TIGD1: variants seen among roughly 807,000 people sequenced by gnomAD.
TIGD1 encodes tigger transposable element-derived protein 1.
Under a neutral mutation model 21.3 loss-of-function variants are expected in TIGD1, and 20 were observed. That is an observed-to-expected ratio of 0.94 (90% CI 0.66 to 1.36). The LOEUF is 1.36. Ranked by LOEUF, TIGD1 falls within the 40% of genes most tolerant of loss-of-function variation. TIGD1 has a pLI of 0.00. For synonymous variants in TIGD1, 177 were observed against 123.2 expected, an observed-to-expected ratio of 1.44 and a Z score of -2.89; for missense variants, 556 against 350.5, an observed-to-expected ratio of 1.59 and a Z score of -4.68.
chr2:232,548,336 C>T lies in TIGD1; in HGVS notation c.1547G>A (p.Ser516Asn), dbSNP rs1204682877. Reference sequence around the variant, plus strand: ...TGATAGCATTTTGCCCACAGTAGAGCTTCTTTCAAAATTGGAGTCAATCCT... The same window carrying T: ...TGATAGCATTTTGCCCACAGTAGAGTTTCTTTCAAAATTGGAGTCAATCCT... ...FERIDSNFERSSTVGKMLSNS... is the reference protein window; with the variant it reads ...FERIDSNFERNSTVGKMLSNS... The change falls in exon 1 of 1, where the codon AGC becomes AAC. Residue 516 changes from serine (S) to asparagine (N), a missense_variant. Coordinates refer to ENST00000408957, the MANE Select transcript of TIGD1 (RefSeq NM_145702.4). The T allele has an allele frequency of 2.1e-6, 3 of 1,397,022 alleles. No homozygotes were observed. The highest frequency in any genetic ancestry group is 1.9e-6 in the Non-Finnish European group (2 of 1,033,744). 86.5% of individuals were successfully genotyped at this position (1,397,022 alleles called of 1,614,324 possible).
rs1008025512 is a variant in TIGD1, at chr2:232,546,453, T to C, written c.*1654A>G. 2 of 152,806 alleles carry C rather than the reference T, an allele frequency of 1.3e-5. No homozygotes were observed. The highest frequency in any genetic ancestry group is 2.4e-5 in the African/African-American group (1 of 41,296). 9.5% of individuals were successfully genotyped at this position (152,806 alleles called of 1,614,324 possible). Reference sequence around the variant, plus strand: ...GCCTCAACCTCCAGGGCTCAAGCAATGCTCCTGCCTCAGCCTCCCAAGTAG... The same window carrying C: ...GCCTCAACCTCCAGGGCTCAAGCAACGCTCCTGCCTCAGCCTCCCAAGTAG... On this transcript the variant is annotated 3_prime_UTR_variant, in exon 1 of 1. Coordinates refer to ENST00000408957, the MANE Select transcript of TIGD1 (RefSeq NM_145702.4).
rs74691009 is a variant in TIGD1 at position 232,544,431 on chromosome 2, T to C, written c.*3676A>G. On this transcript the variant is annotated 3_prime_UTR_variant, in exon 1 of 1. Coordinates refer to ENST00000408957, the MANE Select transcript of TIGD1 (RefSeq NM_145702.4). ...GTTCGCCCGCTGGCCCCGGCAGCTG[T>C]GCAGGACACCCAGTCCCGGCTACAG... 1.4e-4 allele frequency: 219 copies of C among 1,613,610 alleles called. No homozygotes were observed. In the African/African-American group the frequency reaches 2.6e-3, roughly 19 times the overall value.
Position 232,548,182 on chromosome 2 carries a change from G to C in TIGD1, c.1701C>G (p.Thr567=). Residue 567 remains threonine, a synonymous_variant, in exon 1 of 1, where the codon ACC becomes ACG. Coordinates refer to ENST00000408957, the MANE Select transcript of TIGD1 (RefSeq NM_145702.4). Reference sequence around the variant, plus strand: ...GCCTCGAGGTTGATGGTTGCTGACTGGTCAGGGTGGTGGCTGCTGAAGGTT... The same window carrying C: ...GCCTCGAGGTTGATGGTTGCTGACTCGTCAGGGTGGTGGCTGCTGAAGGTT... ...PPQPSAATTL[T]SQQPSTSRQD... is the part of the protein sequence containing the mutation. The C allele has an allele frequency of 6.6e-7, 1 of 1,517,272 alleles. No homozygotes were observed. Among genetic ancestry groups the C allele is most frequent in the Non-Finnish European group, 8.8e-7 (1 of 1,131,522 alleles). The allele number at this position is 1,517,272 out of a possible 1,614,324, so 94.0% of individuals were successfully genotyped here. A position where few individuals can be genotyped will look rare whatever the true frequency, so the allele number is the denominator to read the frequency against.
rs1174184436 is a variant in TIGD1 at position 232,544,105 on chromosome 2, C to T, written c.*4002G>A. On this transcript the variant is annotated 3_prime_UTR_variant, in exon 1 of 1. Coordinates refer to ENST00000408957, the MANE Select transcript of TIGD1 (RefSeq NM_145702.4). ...CTTGTTGCACATGCAGATTCCCAGG[C>T]CTGTCCCAGGCATTCTAGGCCAGAA... Among the ~76,000 whole-genome samples, 1 of 152,186 alleles carries T rather than the reference C, an allele frequency of 6.6e-6. No homozygotes were observed. Among genetic ancestry groups the T allele is most frequent in the Non-Finnish European group, 1.5e-5 (1 of 68,028 alleles).
Position 232,545,350 on chromosome 2 carries a change from A to G in TIGD1, c.*2757T>C, listed in dbSNP as rs1298096489. ...AAAAAAAAGGAAAGAAAGAAAGAAAAAGGAACAGGGGCAGGGGGGGCACCT... is the reference window on the plus strand; with the variant it reads ...AAAAAAAAGGAAAGAAAGAAAGAAAGAGGAACAGGGGCAGGGGGGGCACCT... On this transcript the variant is annotated 3_prime_UTR_variant, in exon 1 of 1. Transcript: ENST00000408957. 7.0e-6 allele frequency among the ~76,000 whole-genome samples: 1 copy of G among 142,728 alleles called. No homozygotes were observed. Among genetic ancestry groups the G allele is most frequent in the Non-Finnish European group, 1.6e-5 (1 of 63,826 alleles). 93.6% of individuals were successfully genotyped at this position (142,728 alleles called of 152,430 possible). A position where few individuals can be genotyped will look rare whatever the true frequency, so the allele number is the denominator to read the frequency against.
At position 232,550,078 on chromosome 2, in the gene TIGD1, G is replaced by T; in HGVS notation, c.-196C>A. On this transcript the variant is annotated 5_prime_UTR_variant, in exon 1 of 1. Transcript: ENST00000408957. ...GACAATAGCAACATCAAAGATCACTGATCATAGATCACCATAACAGACACA... is the reference window on the plus strand; with the variant it reads ...GACAATAGCAACATCAAAGATCACTTATCATAGATCACCATAACAGACACA... The T allele has an allele frequency of 2.2e-6, 1 of 461,156 alleles. No homozygotes were observed. Among genetic ancestry groups the T allele is most frequent in the Non-Finnish European group, 3.9e-6 (1 of 254,830 alleles). 28.6% of individuals were successfully genotyped at this position (461,156 alleles called of 1,614,324 possible).
rs1374619714 is a variant in TIGD1 at position 232,545,429 on chromosome 2, G to A, written c.*2678C>T. 4.0e-6 allele frequency: 4 copies of A among 991,774 alleles called. No homozygotes were observed. The African/African-American group carries it at 6.4e-5, about 16-fold the overall frequency. 61.4% of individuals were successfully genotyped at this position (991,774 alleles called of 1,614,324 possible). On this transcript the variant is annotated 3_prime_UTR_variant, in exon 1 of 1. Coordinates refer to ENST00000408957, the MANE Select transcript of TIGD1 (RefSeq NM_145702.4). The stretch of plus-strand genomic sequence containing the variant: ...CCAGTTGGGACCCGGACATAGGTAA[G>A]AAGGGCCCCAGGAAATGGAGACATG...
Position 232,544,740 on chromosome 2 carries a change from T to G in TIGD1, c.*3367A>C, listed in dbSNP as rs751397115. 1 of 1,613,542 alleles carries G rather than the reference T, an allele frequency of 6.2e-7. No homozygotes were observed. Among genetic ancestry groups the G allele is most frequent in the Non-Finnish European group, 8.5e-7 (1 of 1,179,818 alleles). On this transcript the variant is annotated 3_prime_UTR_variant, in exon 1 of 1. Coordinates refer to ENST00000408957, the MANE Select transcript of TIGD1 (RefSeq NM_145702.4). Reference sequence around the variant, plus strand: ...TTCTCTGCCTGTTTCTCCTCCATTCTACTCCCAAACCTTACCCTTTCTCTT... The same window carrying G: ...TTCTCTGCCTGTTTCTCCTCCATTCGACTCCCAAACCTTACCCTTTCTCTT...
At position 232,550,392 on chromosome 2, in the gene TIGD1, G is replaced by A. The variant is rs1692257114; in HGVS notation, c.-510C>T. On this transcript the variant is annotated 5_prime_UTR_variant, in exon 1 of 1. Transcript: ENST00000408957. ...AAGAGGAAGGTTTTTACCAAGCAGC[G>A]AGTCCAGAGCCCGCGCCGTCAACGA... 1 of 472,358 alleles carries A rather than the reference G, an allele frequency of 2.1e-6. No homozygotes were observed. Among genetic ancestry groups the A allele is most frequent in the African/African-American group, 2.1e-5 (1 of 48,342 alleles). The allele number at this position is 472,358 out of a possible 1,614,324, so 29.3% of individuals were successfully genotyped here.
Position 232,545,941 on chromosome 2 carries a change from C to T in TIGD1, c.*2166G>A, listed in dbSNP as rs924796790. The stretch of plus-strand genomic sequence containing the variant: ...AGTGTCCTGCTGCAGTCAGCACACA[C>T]GTGGGATTGGCTAGCTCATCCTGGC... On this transcript the variant is annotated 3_prime_UTR_variant, in exon 1 of 1. Transcript: ENST00000408957. The T allele has an allele frequency of 2.8e-5, 18 of 635,066 alleles. 1 individual carries two copies. The highest frequency in any genetic ancestry group is 3.6e-5 in the African/African-American group (2 of 56,044). 39.3% of individuals were successfully genotyped at this position (635,066 alleles called of 1,614,324 possible).
Position 232,549,962 on chromosome 2 carries a change from G to A in TIGD1, c.-80C>T. ...AGGCCCAAGAAGAGGGAGAGAGATG[G>A]GGAACGGTCTGTGGGTGGAGCGGTC... On this transcript the variant is annotated 5_prime_UTR_variant, in exon 1 of 1. Coordinates refer to ENST00000408957, the MANE Select transcript of TIGD1 (RefSeq NM_145702.4). 1.3e-6 allele frequency: 1 copy of A among 784,408 alleles called. No homozygotes were observed. The highest frequency in any genetic ancestry group is 2.0e-6 in the Non-Finnish European group (1 of 494,804). 48.6% of individuals were successfully genotyped at this position (784,408 alleles called of 1,614,324 possible).
At position 232,544,454 on chromosome 2, in the gene TIGD1, C is replaced by T. The variant is rs771796518; in HGVS notation, c.*3653G>A. ...TGTGCAGGACACCCAGTCCCGGCTA[C>T]AGAATGGCTCCTCGGGATGGTCGAT... On this transcript the variant is annotated 3_prime_UTR_variant, in exon 1 of 1. Transcript: ENST00000408957. 2 of 1,613,608 alleles carry T rather than the reference C, an allele frequency of 1.2e-6. No individual in the cohort carries two copies. The highest frequency in any genetic ancestry group is 1.3e-5 in the African/African-American group (1 of 74,934).
rs1559306806 is a variant in TIGD1, at chr2:232,547,505, A to G, written c.*602T>C. On this transcript the variant is annotated 3_prime_UTR_variant, in exon 1 of 1. Transcript: ENST00000408957. The stretch of plus-strand genomic sequence containing the variant: ...CGACAGGATATGCTGGCAGGAGGGG[A>G]CCTTGGAAATATGCCCTCCCTCCAA... Among the ~76,000 whole-genome samples the G allele has an allele frequency of 1.3e-5, 2 of 152,310 alleles. No homozygotes were observed. Among genetic ancestry groups the G allele is most frequent in the East Asian group, 3.9e-4 (2 of 5,180 alleles).
rs1300803658 is a variant in TIGD1 at position 232,544,710 on chromosome 2, C to T, written c.*3397G>A. The T allele has an allele frequency of 2.7e-5, 44 of 1,601,902 alleles. No homozygotes were observed. Among genetic ancestry groups the T allele is most frequent in the Admixed American group, 6.7e-5 (4 of 59,988 alleles). ...AGGAGCTGGGGTCCCTAAGGAGAGG[C>T]CATCTTCTCTGCCTGTTTCTCCTCC... On this transcript the variant is annotated 3_prime_UTR_variant, in exon 1 of 1. Coordinates refer to ENST00000408957, the MANE Select transcript of TIGD1 (RefSeq NM_145702.4).
In TIGD1 at chr2:232,548,334, A is replaced by C; in HGVS notation, c.1549T>G (p.Ser517Ala). 1 of 1,404,600 alleles carries C rather than the reference A, an allele frequency of 7.1e-7. No individual in the cohort carries two copies. The highest frequency in any genetic ancestry group is 9.6e-7 in the Non-Finnish European group (1 of 1,040,324). 87.0% of individuals were successfully genotyped at this position (1,404,600 alleles called of 1,614,324 possible). ...TTTGATAGCATTTTGCCCACAGTAG[A>C]GCTTCTTTCAAAATTGGAGTCAATC... ...ERIDSNFERS[S>A]TVGKMLSNSI... Residue 517 changes from serine to alanine, a missense_variant, in exon 1 of 1, where the codon TCT becomes GCT. Transcript: ENST00000408957.
Position 232,549,061 on chromosome 2 carries a change from C to T in TIGD1, c.822G>A (p.Ala274=), listed in dbSNP as rs6752614. ...KARMTAHLFT[A]WFTEYFKPTV... is the part of the protein sequence containing the mutation. ...TGGGTTTAAAATATTCAGTAAACCA[C>T]GCTGTAAACAGATGTGCTGTCATCC... The change falls in exon 1 of 1, where the codon GCG becomes GCA. Residue 274 remains alanine, a synonymous_variant. Coordinates refer to ENST00000408957, the MANE Select transcript of TIGD1 (RefSeq NM_145702.4). 348,685 of 712,134 alleles carry T rather than the reference C, an allele frequency of 0.49. 88,489 individuals are homozygous for T. The highest frequency in any genetic ancestry group is 0.63 in the Admixed American group (31,102 of 49,500). The allele number at this position is 712,134 out of a possible 1,614,324, so 44.1% of individuals were successfully genotyped here.
Position 232,545,013 on chromosome 2 carries a change from G to A in TIGD1, c.*3094C>T. ...ATAGGGCAGTGGGATGGAAAAACAT[G>A]AGGCCGGGTGCAGTGGGTCACACCT... On this transcript the variant is annotated 3_prime_UTR_variant, in exon 1 of 1. Coordinates refer to ENST00000408957, the MANE Select transcript of TIGD1 (RefSeq NM_145702.4). 1.4e-6 allele frequency: 2 copies of A among 1,394,786 alleles called. No individual in the cohort carries two copies. The highest frequency in any genetic ancestry group is 1.2e-5 in the South Asian group (1 of 82,434). The allele number at this position is 1,394,786 out of a possible 1,614,324, so 86.4% of individuals were successfully genotyped here.
At position 232,544,265 on chromosome 2, in the gene TIGD1, T is replaced by C. The variant is rs1692078337; in HGVS notation, c.*3842A>G. On this transcript the variant is annotated 3_prime_UTR_variant, in exon 1 of 1. Transcript: ENST00000408957. ...CCAAGGCCACGTCACTGCCCCGGTA[T>C]GCTGCCTCCATGGTCCCTAGCAGCA... is the stretch of plus-strand genomic sequence containing the variant. 1.0e-5 allele frequency: 9 copies of C among 901,606 alleles called. No individual in the cohort carries two copies. In the Admixed American group the frequency reaches 1.0e-4, roughly 10 times the overall value. The allele number at this position is 901,606 out of a possible 1,614,324, so 55.9% of individuals were successfully genotyped here.
chr2:232,549,615 T>A lies in TIGD1; in HGVS notation c.268A>T (p.Ile90Leu), dbSNP rs1692228729. 1.4e-6 allele frequency: 1 copy of A among 696,654 alleles called. No homozygotes were observed. The highest frequency in any genetic ancestry group is 1.6e-5 in the South Asian group (1 of 64,152). 43.2% of individuals were successfully genotyped at this position (696,654 alleles called of 1,614,324 possible). The change falls in exon 1 of 1, where the codon ATA (isoleucine) becomes TTA (leucine). Residue 90 changes from isoleucine (I) to leucine (L), a missense_variant. Ile to Leu is a conservative substitution (Grantham distance 5, BLOSUM62 2). Transcript: ENST00000408957. ...ADMEKVLVVW[I>L]EDQTSRNIPL... ...ATGTTGCGGCTGGTCTGATCTTCTATCCAGACCACTAAAACCTTCTCCATA... is the reference window on the plus strand; with the variant it reads ...ATGTTGCGGCTGGTCTGATCTTCTAACCAGACCACTAAAACCTTCTCCATA...
Sources: gnomAD v4.1 joint callset for allele counts (sites outside exome capture counted in the v4.1 genomes callset) on GRCh38, gnomAD v4.1.1 for gene constraint, MANE v1.5 for transcripts, NCBI Gene and HGNC (gene_info 2026-07-23, HGNC 2026-07-21) for gene names.